Variants in SPATA31G1 observed in about 807,000 individuals in gnomAD.
The protein encoded by SPATA31G1 is spermatogenesis-associated protein 31G1.
the SPATA31G1 span, chr9:35,043,144 T>C: frequency 1.9e-6 from 3 of 1,614,196 alleles, no homozygotes; most frequent in Non-Finnish European, 2.5e-6. Context: ...ATCTTCCAGA[T>C]TCTGACCAGC....
chr9:35,042,712 G>C, the SPATA31G1 span: 1 of 1,180,660 alleles, frequency 8.5e-7, no homozygotes. Flanking sequence ...ATTAACACTA[G>C]ATGAGGAGCT....
At chr9:35,044,671 G>A in the SPATA31G1 span, 28 of 1,613,820 alleles carry the variant, frequency 1.7e-5, no homozygotes, top group Non-Finnish European at 2.4e-5. Flanking sequence ...AAGAACCACT[G>A]GGCCACTGAG....
the SPATA31G1 span, chr9:35,044,890 G>A: frequency 6.2e-7 from 1 of 1,614,054 alleles, no homozygotes; most frequent in South Asian, 1.1e-5. Context: ...GGAGTAACGT[G>A]CCCAGGGGTT....
chr9:35,042,809 T>C, the SPATA31G1 span: 1 of 1,575,210 alleles, frequency 6.3e-7, no homozygotes, highest in Non-Finnish European at 8.6e-7. Context: ...ATAGCAAACC[T>C]TGTGTATCTG....
At chr9:35,043,475 A>T in the SPATA31G1 span, 1 of 1,614,058 alleles carries the variant, frequency 6.2e-7, no homozygotes, top group Non-Finnish European at 8.5e-7. Context: ...CTTCTGTCTC[A>T]TCACTACTCC....
the SPATA31G1 span, chr9:35,042,335 C>T: frequency 5.0e-6 from 8 of 1,614,120 alleles, no homozygotes; most frequent in Admixed American, 5.0e-5. Flanking sequence ...ATGCCCTAGC[C>T]TGCAGACACT....
the SPATA31G1 span, chr9:35,043,260 T>C: frequency 8.1e-6 from 13 of 1,614,086 alleles, no homozygotes; most frequent in Admixed American, 5.0e-5. Flanking sequence ...GGAGGCCATC[T>C]TCCTGAGCTC....
the SPATA31G1 span, chr9:35,043,414 A>T: frequency 9.5e-5 from 153 of 1,614,034 alleles, no homozygotes; most frequent in Non-Finnish European, 1.3e-4. Context: ...ACTATGGAAG[A>T]TCTAGAAGGG....
chr9:35,045,415 C>G, the SPATA31G1 span: 8 of 1,614,016 alleles, frequency 5.0e-6, no homozygotes, highest in Non-Finnish European at 6.8e-6. Flanking sequence ...GTTCTGGTCT[C>G]AGGCAAGAGA....
the SPATA31G1 span, chr9:35,042,861 G>C: frequency 5.6e-6 from 9 of 1,610,546 alleles, no homozygotes; most frequent in South Asian, 9.9e-5. Context: ...TACTTCCCAG[G>C]AACTACCACT....
the SPATA31G1 span, chr9:35,044,705 T>C: frequency 6.2e-7 from 1 of 1,614,180 alleles, no homozygotes; most frequent in South Asian, 1.1e-5. Flanking sequence ...GCTCACTCTC[T>C]ACTCCTCTAC....
the SPATA31G1 span, chr9:35,042,266 G>A: frequency 1.9e-6 from 3 of 1,613,916 alleles, no homozygotes; most frequent in African/African-American, 4.0e-5. Flanking sequence ...TGGAATGGCT[G>A]CTGGAGGACC....
At chr9:35,044,188 C>T in the SPATA31G1 span, 18 of 1,614,130 alleles carry the variant, frequency 1.1e-5, no homozygotes, top group South Asian at 1.4e-4. Context: ...CATAGCACAC[C>T]TCCAACCACC....
At chr9:35,042,472 T>A in the SPATA31G1 span, 4 of 1,614,218 alleles carry the variant, frequency 2.5e-6, no homozygotes, top group Non-Finnish European at 3.4e-6. Flanking sequence ...TCTGGGAATA[T>A]GGTGCAAGGC....
the SPATA31G1 span, chr9:35,045,694 G>A: frequency 6.2e-7 from 1 of 1,614,190 alleles, no homozygotes; most frequent in African/African-American, 1.3e-5. Context: ...CCAGAGGCAG[G>A]GCGAAGAGCA....
the SPATA31G1 span, chr9:35,045,866 G>A: frequency 1.3e-6 from 2 of 1,595,504 alleles, no homozygotes; most frequent in African/African-American, 1.3e-5. Context: ...AATCTAGTCA[G>A]TAGAGAAAAG....
At chr9:35,044,896 G>C in the SPATA31G1 span, 1 of 1,614,078 alleles carries the variant, frequency 6.2e-7, no homozygotes, top group Non-Finnish European at 8.5e-7. Context: ...ACGTGCCCAG[G>C]GGTTAAGGCA....
At chr9:35,045,299 G>A in the SPATA31G1 span, 1 of 1,614,078 alleles carries the variant, frequency 6.2e-7, no homozygotes, top group East Asian at 2.2e-5. Flanking sequence ...GGGAGAAAAT[G>A]AAGGGGAAGA....
At chr9:35,042,921 G>T in the SPATA31G1 span, 1 of 1,614,176 alleles carries the variant, frequency 6.2e-7, no homozygotes, top group South Asian at 1.1e-5. Context: ...GAAATCAGAA[G>T]TGGAGGAAGA....
Sources: gnomAD v4.1 joint callset for allele counts on GRCh38, gnomAD v4.1.1 for gene constraint, MANE v1.5 for transcripts, NCBI Gene and HGNC (gene_info 2026-07-23, HGNC 2026-07-21) for gene names.